PRKG2: variants seen among roughly 807,000 people sequenced by gnomAD.
PRKG2 encodes the protein protein kinase cGMP-dependent 2.
PRKG2 carries 33 observed loss-of-function variants against 97.2 expected under a neutral mutation model. The observed-to-expected ratio is 0.34, with a 90% CI of 0.26 to 0.45. PRKG2 has a LOEUF of 0.45. PRKG2 is among the 20% of genes least tolerant of loss of function. The pLI, the probability that PRKG2 is intolerant of heterozygous loss-of-function variation, is 1.00. For missense variants in PRKG2, 638 were observed against 900.0 expected, an observed-to-expected ratio of 0.71 and a Z score of 3.73; for synonymous variants, 330 against 321.8, an observed-to-expected ratio of 1.03 and a Z score of -0.27.
chr4:81,211,262 A>C lies in PRKG2; in HGVS notation c.-14+3674T>G, dbSNP rs144600408. Among the ~76,000 whole-genome samples, 243 of 152,334 alleles carry C rather than the reference A, an allele frequency of 1.6e-3. 2 individuals carry two copies. The highest frequency in any genetic ancestry group is 5.5e-3 in the African/African-American group (229 of 41,580). On this transcript the variant is annotated intron_variant, in intron 1 of 18. Coordinates refer to ENST00000264399, the MANE Select transcript of PRKG2 (RefSeq NM_006259.3). ...TACCATACTGATGAAAGATGTTAAG[A>C]GCAGGGGAAAGTGCTAAGAGGTGGG...
intron 9 of PRKG2, among the ~76,000 whole-genome samples, chr4:81,145,766 A>T (rs1460070123): frequency 1.3e-5 from 2 of 152,290 alleles, no homozygotes; most frequent in East Asian, 3.9e-4. Context: ...CCTTCTTAAA[A>T]GTAAAGACCA....
intron 2 of PRKG2, among the ~76,000 whole-genome samples, chr4:81,202,885 G>A (rs1465905650): frequency 6.6e-6 from 1 of 151,960 alleles, no homozygotes; most frequent in Non-Finnish European, 1.5e-5. Flanking sequence ...CATAATCTTG[G>A]TTCAAGAGAA....
rs186425226 is a variant in PRKG2, at chr4:81,183,699, A to C, written c.462-8740T>G. On this transcript the variant is annotated intron_variant, in intron 2 of 18. Transcript: ENST00000264399. ...GCCAGGGAGCCAAGCAGTCTAGCTCAGCGGATCCCACCCCCACAGAGACCA... is the reference window on the plus strand; with the variant it reads ...GCCAGGGAGCCAAGCAGTCTAGCTCCGCGGATCCCACCCCCACAGAGACCA... Among the ~76,000 whole-genome samples, 8 of 152,218 alleles carry C rather than the reference A, an allele frequency of 5.3e-5. No individual in the cohort carries two copies. In the East Asian group the frequency reaches 1.6e-3, roughly 30 times the overall value.
At chr4:81,181,677 TAAG>T (rs1716348026) in intron 2 of PRKG2, among the ~76,000 whole-genome samples, 1 of 151,392 alleles carries the variant, frequency 6.6e-6, no homozygotes, top group Non-Finnish European at 1.5e-5. Context: ...TTACTAGAAA[TAAG>T]AAGAAGACAT....
At chr4:81,175,012 C>T in intron 2 of PRKG2, 53 bp from the exon 3 acceptor site, 1 of 1,458,256 alleles carries the variant, frequency 6.9e-7, no homozygotes, top group South Asian at 1.3e-5. Context: ...TCATGTTTTA[C>T]TATTTAGATT....
chr4:81,121,077 T>C (rs978280633), intron 14 of PRKG2, among the ~76,000 whole-genome samples: 1 of 152,200 alleles, frequency 6.6e-6, no homozygotes, highest in Non-Finnish European at 1.5e-5. Flanking sequence ...TTCAGCCTGC[T>C]GGTGTAATGG....
intron 2 of PRKG2, among the ~76,000 whole-genome samples, chr4:81,181,612 G>T (rs563242524): frequency 6.8e-6 from 1 of 147,464 alleles, no homozygotes; most frequent in African/African-American, 2.6e-5. Context: ...ATAATAAAAT[G>T]ATAATTCACA....
intron 17 of PRKG2, among the ~76,000 whole-genome samples, chr4:81,096,233 G>C (rs1328828170): frequency 6.6e-6 from 1 of 152,152 alleles, no homozygotes; most frequent in Non-Finnish European, 1.5e-5. Flanking sequence ...TTTATGCAGA[G>C]TAGAACTTCT....
At chr4:81,215,823 T>C (rs1754251178), upstream of PRKG2, among the ~76,000 whole-genome samples, 1 of 151,904 alleles carries the variant, frequency 6.6e-6, no homozygotes, top group Non-Finnish European at 1.5e-5. Flanking sequence ...TCTGCAGGTC[T>C]TTGGGAAGGG....
chr4:81,167,063 G>A, intron 6 of PRKG2, 98 bp downstream of exon 6: 1 of 876,210 alleles, frequency 1.1e-6, no homozygotes. Context: ...TCTGTAGACT[G>A]GTGCTCTGAC....
intron 14 of PRKG2, among the ~76,000 whole-genome samples, chr4:81,111,150 C>T (rs1382578246): frequency 1.3e-5 from 2 of 152,096 alleles, no homozygotes; most frequent in Non-Finnish European, 2.9e-5. Flanking sequence ...AACCATCATA[C>T]ACAATGTCTG....
chr4:81,208,659 C>A (rs972469089), intron 1 of PRKG2, among the ~76,000 whole-genome samples: 2 of 152,070 alleles, frequency 1.3e-5, no homozygotes, highest in African/African-American at 4.8e-5. Context: ...ATCCTGGGCT[C>A]AAACCACCCT....
chr4:81,127,867 G>A (rs879527906), intron 14 of PRKG2, among the ~76,000 whole-genome samples: 17 of 152,178 alleles, frequency 1.1e-4, no homozygotes, highest in Admixed American at 3.3e-4. Flanking sequence ...CCAATACTAT[G>A]TTGAATAGGA....
chr4:81,177,593 T>C (rs888564347), intron 2 of PRKG2, among the ~76,000 whole-genome samples: 4 of 151,802 alleles, frequency 2.6e-5, no homozygotes, highest in African/African-American at 9.7e-5. Context: ...GTCCCAGCTG[T>C]GGAGGCTGAG....
intron 9 of PRKG2, among the ~76,000 whole-genome samples, chr4:81,147,408 G>T (rs1400457976): frequency 2.0e-5 from 3 of 152,086 alleles, no homozygotes; most frequent in African/African-American, 7.2e-5. Flanking sequence ...CCATTTGAGA[G>T]TTGGCATCCA....
intron 17 of PRKG2, among the ~76,000 whole-genome samples, chr4:81,093,605 A>G (rs576557779): frequency 6.6e-6 from 1 of 152,272 alleles, no homozygotes; most frequent in South Asian, 2.1e-4. Context: ...CAGGGGCTCA[A>G]TAAATTTTTG....
intron 2 of PRKG2, among the ~76,000 whole-genome samples, chr4:81,181,392 T>C (rs1231758434): frequency 6.6e-6 from 1 of 151,604 alleles, no homozygotes; most frequent in African/African-American, 2.4e-5. Flanking sequence ...AAATGATGCA[T>C]AGAAGAAAAT....
chr4:81,188,418 G>A (rs1406404642), intron 2 of PRKG2, among the ~76,000 whole-genome samples: 1 of 143,752 alleles, frequency 7.0e-6, no homozygotes, highest in Non-Finnish European at 1.5e-5. Flanking sequence ...CTTTGACACT[G>A]TTGGTGGGAC....
At chr4:81,192,560 G>C (rs1391645950) in intron 2 of PRKG2, among the ~76,000 whole-genome samples, 1 of 152,130 alleles carries the variant, frequency 6.6e-6, no homozygotes, top group African/African-American at 2.4e-5. Context: ...TATTGGACAA[G>C]TAACTTAGGC....
Sources: allele counts gnomAD v4.1 joint callset (sites outside exome capture counted in the v4.1 genomes callset), GRCh38; gene constraint gnomAD v4.1.1; transcripts MANE v1.5; gene names NCBI Gene and HGNC (gene_info 2026-07-23, HGNC 2026-07-21).